NRG3: variants seen among roughly 807,000 people sequenced by gnomAD.
NRG3 encodes pro-neuregulin-3, membrane-bound isoform.
NRG3 carries 31 observed loss-of-function variants against 66.9 expected under a neutral mutation model. That is an observed-to-expected ratio of 0.46 (90% CI 0.35 to 0.63). The LOEUF is 0.63. Ranked by LOEUF, NRG3 falls within the 20% of genes least tolerant of loss-of-function variation. The pLI is 0.00. For synonymous variants in NRG3, 393 were observed against 359.4 expected (o/e 1.09, Z -1.06); for missense variants, 910 against 878.9 (o/e 1.04, Z -0.45).
intron 2 of NRG3, among the ~76,000 whole-genome samples, chr10:82,576,099 G>A (rs1321688834): frequency 6.6e-6 from 1 of 151,620 alleles, no homozygotes; most frequent in African/African-American, 2.4e-5. Context: ...GTTAGTCTGG[G>A]GAAAGTATAG....
intron 1 of NRG3, among the ~76,000 whole-genome samples, chr10:82,283,827 C>A (rs1299077177): frequency 1.3e-5 from 2 of 152,072 alleles, no homozygotes; most frequent in Non-Finnish European, 2.9e-5. Context: ...CAGGCCTGAG[C>A]CTATTGTTGT....
intron 1 of NRG3, among the ~76,000 whole-genome samples, chr10:82,282,999 C>T (rs1889896): frequency 0.47 from 71,855 of 151,790 alleles, 20,663 homozygotes; most frequent in African/African-American, 0.81. Context: ...GGTTTCCAAA[C>T]GTTCACTAAT....
At chr10:82,741,852 C>T (rs1221253379) in intron 3 of NRG3, among the ~76,000 whole-genome samples, 1 of 152,070 alleles carries the variant, frequency 6.6e-6, no homozygotes, top group Non-Finnish European at 1.5e-5. Flanking sequence ...GACTGAAACT[C>T]AATGACCTGC....
intron 2 of NRG3, among the ~76,000 whole-genome samples, chr10:82,456,170 G>A (rs1375128071): frequency 7.2e-6 from 1 of 138,882 alleles, no homozygotes; most frequent in Non-Finnish European, 1.5e-5. Context: ...TAGAGAGAGG[G>A]CTTCACTTTG....
At chr10:82,417,210 A>AAAAT in intron 2 of NRG3, among the ~76,000 whole-genome samples, 1 of 152,318 alleles carries the variant, frequency 6.6e-6, no homozygotes, top group East Asian at 1.9e-4. Flanking sequence ...TGGTTCTCTG[A>AAAAT]AAATATGAAT....
At chr10:81,893,568 C>T (rs1315305248) in intron 1 of NRG3, among the ~76,000 whole-genome samples, 1 of 152,102 alleles carries the variant, frequency 6.6e-6, no homozygotes, top group African/African-American at 2.4e-5. Context: ...GCTGATCCTC[C>T]CGTAAATCCC....
At chr10:82,889,364 A>T (rs1591838647) in intron 4 of NRG3, among the ~76,000 whole-genome samples, 1 of 152,154 alleles carries the variant, frequency 6.6e-6, no homozygotes, top group Non-Finnish European at 1.5e-5. Flanking sequence ...AACTGAAAAG[A>T]TGTTTTGAAC....
intron 4 of NRG3, among the ~76,000 whole-genome samples, chr10:82,916,607 A>G (rs1372984295): frequency 2.6e-5 from 4 of 151,474 alleles, no homozygotes; most frequent in Non-Finnish European, 5.9e-5. Flanking sequence ...ACAATTGTAC[A>G]GTATAAAGAT....
At chr10:82,314,137 A>G (rs572957365) in intron 1 of NRG3, among the ~76,000 whole-genome samples, 1 of 152,210 alleles carries the variant, frequency 6.6e-6, no homozygotes, top group Non-Finnish European at 1.5e-5. Flanking sequence ...AGTCCTCAGC[A>G]CAGATTAAAT....
chr10:82,082,453 C>A (rs2065447840), intron 1 of NRG3, among the ~76,000 whole-genome samples: 1 of 152,104 alleles, frequency 6.6e-6, no homozygotes, highest in South Asian at 2.1e-4. Flanking sequence ...AGGTTATCGT[C>A]TTATGCTAGA....
chr10:81,918,613 C>T (rs1159789576), intron 1 of NRG3, among the ~76,000 whole-genome samples: 1 of 152,064 alleles, frequency 6.6e-6, no homozygotes, highest in African/African-American at 2.4e-5. Context: ...GCCTTATTTG[C>T]ATGTGTAGCA....
chr10:82,743,506 G>A (rs537437508), intron 3 of NRG3, among the ~76,000 whole-genome samples: 1 of 152,206 alleles, frequency 6.6e-6, no homozygotes, highest in African/African-American at 2.4e-5. Flanking sequence ...ACAATCTTCG[G>A]TAGAGTGTGT....
At chr10:81,995,361 C>G (rs78187843) in intron 1 of NRG3, among the ~76,000 whole-genome samples, 1 of 152,176 alleles carries the variant, frequency 6.6e-6, no homozygotes, top group Non-Finnish European at 1.5e-5. Context: ...TGCACTTCTT[C>G]TCGTAGGTTC....
chr10:82,638,759 G>T (rs1467299132), intron 2 of NRG3, among the ~76,000 whole-genome samples: 2 of 151,840 alleles, frequency 1.3e-5, no homozygotes, highest in African/African-American at 4.8e-5. Context: ...TGATTCTCCT[G>T]CCTTAGCCTC....
In NRG3 at chr10:82,792,769, C is replaced by T; in HGVS notation, c.1027+54119C>T. ...GCCCTCAGCTCACCGCAACCTCCAC[C>T]TCCTGAGTTCAAGCCATTCTCCTGC... On this transcript the variant is annotated intron_variant, in intron 3 of 8. Transcript: ENST00000372141. 1.3e-5 allele frequency among the ~76,000 whole-genome samples: 2 copies of T among 152,136 alleles called. 1 individual carries two copies. Among genetic ancestry groups the T allele is most frequent in the Admixed American group, 1.3e-4 (2 of 15,274 alleles).
intron 4 of NRG3, among the ~76,000 whole-genome samples, chr10:82,883,998 G>A (rs1208165844): frequency 6.6e-6 from 1 of 150,378 alleles, no homozygotes; most frequent in Non-Finnish European, 1.5e-5. Context: ...ATGATACTAT[G>A]CAATTCTGTC....
At chr10:82,100,268 C>G (rs1564562345) in intron 1 of NRG3, among the ~76,000 whole-genome samples, 3 of 151,908 alleles carry the variant, frequency 2.0e-5, no homozygotes, top group African/African-American at 7.3e-5. Flanking sequence ...CTTCCAGGAG[C>G]TTTTTTGTGG....
At chr10:82,137,433 A>C (rs1422101520) in intron 1 of NRG3, among the ~76,000 whole-genome samples, 2 of 152,226 alleles carry the variant, frequency 1.3e-5, no homozygotes, top group African/African-American at 4.8e-5. Flanking sequence ...AAATGGAAAC[A>C]CAGCTCCAGC....
chr10:82,144,049 G>GA (rs369098895), intron 1 of NRG3, among the ~76,000 whole-genome samples: 37 of 134,268 alleles, frequency 2.8e-4, no homozygotes, highest in Middle Eastern at 3.9e-3. Flanking sequence ...AAAAAGAAAA[G>GA]AAAAAAAAAA....
Sources: allele counts gnomAD v4.1 joint callset (sites outside exome capture counted in the v4.1 genomes callset), GRCh38; gene constraint gnomAD v4.1.1; transcripts MANE v1.5; gene names NCBI Gene and HGNC (gene_info 2026-07-23, HGNC 2026-07-21).